Variants in PCDH15 observed in about 807,000 individuals in gnomAD.
PCDH15 encodes protocadherin related 15.
In PCDH15, 129 loss-of-function variants were observed where a neutral mutation model predicts 178.5. That is an observed-to-expected ratio of 0.72 (90% confidence interval 0.63 to 0.84). PCDH15 has a LOEUF of 0.84. Ranked by LOEUF, PCDH15 falls within the 40% of genes least tolerant of loss-of-function variation. PCDH15 has a pLI of 0.00. For synonymous variants in PCDH15, 800 were observed against 732.0 expected (o/e 1.09, Z -1.50); for missense variants, 2,230 against 2,099.9 (o/e 1.06, Z -1.21).
At chr10:54,815,537 C>A (rs1952933907) in intron 3 of PCDH15, among the ~76,000 whole-genome samples, 2 of 152,136 alleles carry the variant, frequency 1.3e-5, no homozygotes, top group Admixed American at 6.6e-5. Context: ...ATCATCTCTG[C>A]ATCAGCAGTT....
intron 5 of PCDH15, among the ~76,000 whole-genome samples, chr10:54,356,839 T>A (rs1474878396): frequency 1.3e-5 from 2 of 152,140 alleles, no homozygotes; most frequent in East Asian, 3.8e-4. Context: ...ATCCCCGGGA[T>A]GCAAGGCTGG....
At chr10:55,442,302 A>G (rs1426134508) in intron 2 of PCDH15, among the ~76,000 whole-genome samples, 1 of 151,586 alleles carries the variant, frequency 6.6e-6, no homozygotes, top group Non-Finnish European at 1.5e-5. Context: ...TGCAAACCTC[A>G]ATATTAGTAA....
At chr10:54,587,075 C>A (rs1188315714) in intron 2 of PCDH15, among the ~76,000 whole-genome samples, 1 of 152,036 alleles carries the variant, frequency 6.6e-6, no homozygotes, top group Non-Finnish European at 1.5e-5. Context: ...TACATAAGTA[C>A]AAATTTTGCT....
At chr10:55,572,641 G>A (rs1314879446) in intron 2 of PCDH15, among the ~76,000 whole-genome samples, 2 of 152,054 alleles carry the variant, frequency 1.3e-5, no homozygotes, top group East Asian at 1.9e-4. Flanking sequence ...ACGGATTTTG[G>A]TTGTGATGAA....
chr10:53,930,679 A>T (rs1263418594), intron 25 of PCDH15, among the ~76,000 whole-genome samples: 2 of 151,930 alleles, frequency 1.3e-5, no homozygotes, highest in Non-Finnish European at 2.9e-5. Flanking sequence ...AGTTATTTGA[A>T]ACTTACCAGA....
chr10:55,165,980 C>T (rs529043076), intron 2 of PCDH15, among the ~76,000 whole-genome samples: 73 of 152,236 alleles, frequency 4.8e-4, no homozygotes, highest in Admixed American at 1.4e-3. Flanking sequence ...CTAACTTTCA[C>T]TGAAGCTATT....
upstream of PCDH15, among the ~76,000 whole-genome samples, chr10:54,802,300 T>A (rs750095839): frequency 1.3e-5 from 2 of 152,208 alleles, no homozygotes; most frequent in Non-Finnish European, 2.9e-5. Context: ...AATGGACTTA[T>A]CTTGCAGGCT....
intron 2 of PCDH15, among the ~76,000 whole-genome samples, chr10:54,955,761 G>T (rs1391881162): frequency 6.6e-6 from 1 of 151,022 alleles, no homozygotes; most frequent in African/African-American, 2.4e-5. Context: ...TGTAACCTTG[G>T]CAGAGTTACC....
intron 27 of PCDH15, among the ~76,000 whole-genome samples, chr10:53,860,447 T>G (rs898664322): frequency 6.6e-6 from 1 of 152,048 alleles, no homozygotes; most frequent in Non-Finnish European, 1.5e-5. Flanking sequence ...CAAAATACTT[T>G]AAGCCAGGCG....
chr10:55,326,463 A>G (rs1844034431), intron 2 of PCDH15, among the ~76,000 whole-genome samples: 2 of 152,078 alleles, frequency 1.3e-5, no homozygotes, highest in African/African-American at 2.4e-5. Context: ...CCATTATCCT[A>G]AATGAACTAA....
At chr10:54,029,760 C>T (rs1806278865) in intron 18 of PCDH15, among the ~76,000 whole-genome samples, 2 of 152,068 alleles carry the variant, frequency 1.3e-5, no homozygotes, top group Admixed American at 1.3e-4. Context: ...TAAATTCATT[C>T]CCCACCCCTT....
chr10:55,219,701 C>T (rs1454735274), intron 1 of PCDH15, among the ~76,000 whole-genome samples: 5 of 151,568 alleles, frequency 3.3e-5, no homozygotes, highest in Non-Finnish European at 7.4e-5. Flanking sequence ...GAGAAGATAA[C>T]ATTTAGTTTT....
At chr10:55,583,850 T>A (rs1842671386) in intron 2 of PCDH15, among the ~76,000 whole-genome samples, 1 of 152,026 alleles carries the variant, frequency 6.6e-6, no homozygotes, top group Admixed American at 6.6e-5. Context: ...AATAAATATA[T>A]TTTGAAAAGT....
At chr10:54,580,239 CA>C (rs1319354395) in intron 2 of PCDH15, among the ~76,000 whole-genome samples, 1 of 151,712 alleles carries the variant, frequency 6.6e-6, no homozygotes, top group Non-Finnish European at 1.5e-5. Flanking sequence ...ATGAACAAAA[CA>C]AAAAAGAGAA....
At chr10:54,096,372 T>C (rs1425572291) in intron 15 of PCDH15, among the ~76,000 whole-genome samples, 1 of 152,130 alleles carries the variant, frequency 6.6e-6, no homozygotes, top group Non-Finnish European at 1.5e-5. Context: ...ATAAGCATTA[T>C]ACTGCATTAA....
intron 3 of PCDH15, among the ~76,000 whole-genome samples, chr10:54,865,609 C>G (rs1327645589): frequency 6.6e-6 from 1 of 152,128 alleles, no homozygotes; most frequent in Non-Finnish European, 1.5e-5. Context: ...CAGATCACTT[C>G]CTCAACAGGT....
At position 55,161,248 on chromosome 10, in the gene PCDH15, A is replaced by C. The variant is rs145894831; in HGVS notation, c.-80+5328T>G. On this transcript the variant is annotated intron_variant, in intron 2 of 5. Coordinates refer to the PCDH15 transcript ENST00000458638. ...CTCCTCTACTGCTACAAATTTCTCA[A>C]GAATGAGAATAAGCAAAGAGGAAGG... Among the ~76,000 whole-genome samples, 218 of 152,332 alleles carry C rather than the reference A, an allele frequency of 1.4e-3. 2 individuals are homozygous for C. Among genetic ancestry groups the C allele is most frequent in the African/African-American group, 4.9e-3 (204 of 41,586 alleles).
chr10:55,370,155 G>T (rs933505740), intron 2 of PCDH15, among the ~76,000 whole-genome samples: 2 of 151,990 alleles, frequency 1.3e-5, no homozygotes, highest in Non-Finnish European at 2.9e-5. Context: ...GCTTCTCATT[G>T]TCTGTTTGAA....
chr10:54,099,536 C>T (rs1218346601), intron 15 of PCDH15, among the ~76,000 whole-genome samples: 44 of 109,576 alleles, frequency 4.0e-4, no homozygotes, highest in Non-Finnish European at 8.0e-4. Context: ...ATATATAAAA[C>T]AAAAAACAAA....
Sources: allele counts gnomAD v4.1 joint callset (sites outside exome capture counted in the v4.1 genomes callset), GRCh38; gene constraint gnomAD v4.1.1; transcripts MANE v1.5; gene names NCBI Gene and HGNC (gene_info 2026-07-23, HGNC 2026-07-21).